The following KIR3DL3 variants were observed in gnomAD, a reference collection of about 807,000 sequenced individuals.
The protein encoded by KIR3DL3 is killer cell immunoglobulin-like receptor 3DL3.
Under a neutral mutation model 34.9 loss-of-function variants are expected in KIR3DL3, and 27 were observed. The ratio of observed to expected loss-of-function variants is 0.77; its 90% CI spans 0.57 to 1.07. KIR3DL3 has a LOEUF of 1.07. KIR3DL3 is among the 50% of genes least tolerant of loss of function. The probability of loss-of-function intolerance (pLI) is 0.00; values close to 1 mark genes in which losing one functional copy is unlikely to be tolerated. For synonymous variants in KIR3DL3, 217 were observed against 200.2 expected, an observed-to-expected ratio of 1.08 and a Z score of -0.71; for missense variants, 681 against 528.5, an observed-to-expected ratio of 1.29 and a Z score of -2.83.
At chr19:54,735,794 G>C (rs1372915613) in intron 6 of KIR3DL3, 26 bp from the exon 7 acceptor site, 16 of 1,607,278 alleles carry the variant, frequency 1.0e-5, no homozygotes, top group South Asian at 5.5e-5. Context: ...CCTCCGAGCT[G>C]TTTTGACGAC....
intron 2 of KIR3DL3, among the ~76,000 whole-genome samples, chr19:54,725,558 C>T (rs1033522469): frequency 3.3e-5 from 5 of 152,016 alleles, no homozygotes; most frequent in Admixed American, 2.0e-4. Flanking sequence ...GTGGTGTCAC[C>T]GGCAGAGGAA....
At chr19:54,732,269 T>TC (rs71195795) in intron 5 of KIR3DL3, among the ~76,000 whole-genome samples, 2 of 151,072 alleles carry the variant, frequency 1.3e-5, no homozygotes, top group Non-Finnish European at 3.0e-5. Flanking sequence ...TTTTTTTTTT[T>TC]GAGTAGAGTC....
Position 54,729,541 on chromosome 19 carries a change from A to G in KIR3DL3, c.704A>G (p.Gln235Arg), listed in dbSNP as rs1386364676. ...TCAGCCCAGCCGGGCCCCACGGTTCAGGCAGGAGAGAATGTGACCTTGTCC... is the reference window on the plus strand; with the variant it reads ...TCAGCCCAGCCGGGCCCCACGGTTCGGGCAGGAGAGAATGTGACCTTGTCC... ...SLSAQPGPTV[Q>R]AGENVTLSCS... is the part of the protein sequence containing the mutation. The change falls in exon 5 of 8, where the codon CAG becomes CGG. Residue 235 changes from glutamine (Q) to arginine (R), a missense_variant. Physicochemically the swap from Gln to Arg is conservative, Grantham distance 43 (BLOSUM62 1). Coordinates refer to ENST00000291860, the MANE Select transcript of KIR3DL3 (RefSeq NM_153443.5). 11 of 1,606,342 alleles carry G rather than the reference A, an allele frequency of 6.8e-6. No homozygotes were observed. Among genetic ancestry groups the G allele is most frequent in the African/African-American group, 1.4e-5 (1 of 73,430 alleles).
chr19:54,730,002 A>AGGCAGATG (rs1461060423), intron 5 of KIR3DL3, among the ~76,000 whole-genome samples: 2 of 150,076 alleles, frequency 1.3e-5, no homozygotes, highest in Admixed American at 6.7e-5. Flanking sequence ...CCAGGCACCC[A>AGGCAGATG]GGCAGATGGA....
intron 3 of KIR3DL3, 100 bp downstream of exon 3, chr19:54,726,437 T>A: frequency 6.9e-7 from 1 of 1,438,996 alleles, no homozygotes. Flanking sequence ...AGGCCCCGAC[T>A]GTATTTGGGG....
In KIR3DL3 at chr19:54,729,864, GA is replaced by G. The variant is rs2068621887; in HGVS notation, c.949+80del. On this transcript the variant is annotated intron_variant, in intron 5 of 7. Coordinates refer to ENST00000291860, the MANE Select transcript of KIR3DL3 (RefSeq NM_153443.5). ...AGGAGCTTCCTGCTGATGATGGAGA[GA>G]AGCATGGACAGATGCCGAGACAGAA... 4.9e-6 allele frequency: 7 copies of G among 1,419,246 alleles called. No individual in the cohort carries two copies. The Admixed American group carries it at 1.4e-4, about 29-fold the overall frequency. The allele number at this position is 1,419,246 out of a possible 1,614,324, so 87.9% of individuals were successfully genotyped here. A position where few individuals can be genotyped will look rare whatever the true frequency, so the allele number is the denominator to read the frequency against.
chr19:54,728,235 A>G (rs1313444813), intron 4 of KIR3DL3, among the ~76,000 whole-genome samples: 6 of 150,202 alleles, frequency 4.0e-5, no homozygotes, highest in African/African-American at 1.2e-4. Flanking sequence ...ACAGGTTAGA[A>G]GGTTCCATTC....
intron 5 of KIR3DL3, among the ~76,000 whole-genome samples, chr19:54,733,581 A>G (rs1360465908): frequency 6.6e-6 from 1 of 152,200 alleles, no homozygotes; most frequent in Non-Finnish European, 1.5e-5. Flanking sequence ...AGGCAACTGG[A>G]TACCAACCAT....
chr19:54,731,336 C>T (rs1277183888), intron 5 of KIR3DL3, among the ~76,000 whole-genome samples: 1 of 151,688 alleles, frequency 6.6e-6, no homozygotes, highest in Non-Finnish European at 1.5e-5. Flanking sequence ...CTTCCATACT[C>T]TTCTCCTCTG....
At chr19:54,732,537 G>A (rs1432982254) in intron 5 of KIR3DL3, among the ~76,000 whole-genome samples, 5 of 152,266 alleles carry the variant, frequency 3.3e-5, no homozygotes, top group African/African-American at 4.8e-5. Context: ...GATTACAGGC[G>A]AGAGCTACTG....
chr19:54,735,701 T>C, intron 6 of KIR3DL3, 119 bp from the exon 7 acceptor site: 4 of 1,088,640 alleles, frequency 3.7e-6, no homozygotes, highest in Non-Finnish European at 4.1e-6. Context: ...CTGAGTCTGC[T>C]GTTGGCAACT....
chr19:54,727,215 A>G (rs1459438639), intron 3 of KIR3DL3, among the ~76,000 whole-genome samples: 2 of 118,170 alleles, frequency 1.7e-5, no homozygotes, highest in Non-Finnish European at 1.8e-5. Flanking sequence ...TGCCTGCCTT[A>G]CTGATGAGTT....
intron 1 of KIR3DL3, among the ~76,000 whole-genome samples, chr19:54,724,865 A>T (rs2067973358): frequency 7.5e-6 from 1 of 134,220 alleles, no homozygotes; most frequent in Non-Finnish European, 1.6e-5. Flanking sequence ...GAGTGGAGAT[A>T]TGGGCCTGGA....
chr19:54,734,925 C>T (rs1272562317), intron 5 of KIR3DL3, among the ~76,000 whole-genome samples: 1 of 141,390 alleles, frequency 7.1e-6, no homozygotes, highest in Non-Finnish European at 1.5e-5. Context: ...TTGCTAACCC[C>T]GTCTCCTTGG....
At chr19:54,729,918 C>A in intron 5 of KIR3DL3, 132 bp downstream of exon 5, 2 of 655,996 alleles carry the variant, frequency 3.0e-6, no homozygotes, top group South Asian at 2.2e-5. Context: ...AGGGCGGGGT[C>A]AGGGCGCAGG....
Position 54,733,361 on chromosome 19 carries a change from G to A in KIR3DL3, c.950-1892G>A, listed in dbSNP as rs1323590113. Among the ~76,000 whole-genome samples the A allele has an allele frequency of 1.9e-4, 29 of 152,076 alleles. No individual in the cohort carries two copies. The East Asian group carries it at 4.1e-3, about 21-fold the overall frequency. Reference sequence around the variant, plus strand: ...AGCCTGGCCAACATGGTGAAACCCCGTCTGTACTAAAAATACAAAAATTAG... The same window carrying A: ...AGCCTGGCCAACATGGTGAAACCCCATCTGTACTAAAAATACAAAAATTAG... On this transcript the variant is annotated intron_variant, in intron 5 of 7. Transcript: ENST00000291860.
chr19:54,724,943 G>C (rs1389716207), intron 1 of KIR3DL3, among the ~76,000 whole-genome samples: 16 of 112,690 alleles, frequency 1.4e-4, no homozygotes, highest in African/African-American at 5.5e-4. Flanking sequence ...GAGTGGAGAT[G>C]TTGGCTTGGA....
chr19:54,725,977 G>T, intron 2 of KIR3DL3, 76 bp from the exon 3 acceptor site: 2 of 1,340,270 alleles, frequency 1.5e-6, no homozygotes, highest in South Asian at 1.3e-5. Context: ...GTGGAAATGG[G>T]AGAATCTTCT....
intron 4 of KIR3DL3, among the ~76,000 whole-genome samples, chr19:54,728,118 CATACAAGGTGTTAGAAAAAGAG>C (rs1487880042): frequency 2.0e-5 from 3 of 151,602 alleles, no homozygotes; most frequent in African/African-American, 7.3e-5. Context: ...ACACAGGGGC[CATACAAGGTGTTAGAAAAAGAG>C]ATAAAGAGGT....
Sources: allele counts gnomAD v4.1 joint callset (sites outside exome capture counted in the v4.1 genomes callset), GRCh38; gene constraint gnomAD v4.1.1; transcripts MANE v1.5; gene names NCBI Gene and HGNC (gene_info 2026-07-23, HGNC 2026-07-21).